Variants in CLSPN observed in about 807,000 individuals in gnomAD.
CLSPN encodes the protein claspin homolog.
A neutral mutation model predicts 156.3 loss-of-function variants in CLSPN; 85 were observed. The ratio of observed to expected loss-of-function variants is 0.54; its 90% CI spans 0.46 to 0.65. The LOEUF (loss-of-function observed/expected upper bound fraction) is 0.65, where lower values mean the gene tolerates loss of function less well. CLSPN is among the 30% of genes least tolerant of loss of function. The pLI is 0.00. For synonymous variants in CLSPN, 534 were observed against 542.4 expected, an observed-to-expected ratio of 0.98 and a Z score of 0.22; for missense variants, 1,407 against 1,554.9, an observed-to-expected ratio of 0.90 and a Z score of 1.60.
chr1:35,751,035 T>C lies in CLSPN; in HGVS notation c.2028+215A>G, dbSNP rs544389953. Among the ~76,000 whole-genome samples the C allele has an allele frequency of 8.6e-5, 13 of 151,620 alleles. No individual in the cohort carries two copies. In the South Asian group the frequency reaches 2.7e-3, roughly 32 times the overall value. ...GGTATTCTGTCAGTACCACTGAATATCTGTATTCAGATATATAATGATGAT... is the reference window on the plus strand; with the variant it reads ...GGTATTCTGTCAGTACCACTGAATACCTGTATTCAGATATATAATGATGAT... On this transcript the variant is annotated intron_variant, in intron 10 of 24. Transcript: ENST00000318121.
At chr1:35,749,294 G>GC (rs1372631102) in intron 12 of CLSPN, among the ~76,000 whole-genome samples, 173 bp downstream of exon 12, 1 of 151,966 alleles carries the variant, frequency 6.6e-6, no homozygotes, top group Non-Finnish European at 1.5e-5. Flanking sequence ...TAAATAAACT[G>GC]CAAAAAATAG....
chr1:35,733,467 T>C lies in CLSPN; in HGVS notation c.*3029A>G, dbSNP rs573590633. 25 of 985,278 alleles carry C rather than the reference T, an allele frequency of 2.5e-5. 1 individual carries two copies. In the South Asian group the frequency reaches 1.1e-3, roughly 43 times the overall value. 61.0% of individuals were successfully genotyped at this position (985,278 alleles called of 1,614,324 possible). Reference sequence around the variant, plus strand: ...GGCTGAATTTTCTTATCCTCAGTTGTCAATTCCAATTGTCTTTTCTATCTC... The same window carrying C: ...GGCTGAATTTTCTTATCCTCAGTTGCCAATTCCAATTGTCTTTTCTATCTC... On this transcript the variant is annotated 3_prime_UTR_variant, in exon 25 of 25. Coordinates refer to ENST00000318121, the MANE Select transcript of CLSPN (RefSeq NM_022111.4).
chr1:35,757,040 T>C (rs1322677371), intron 8 of CLSPN, among the ~76,000 whole-genome samples: 1 of 152,160 alleles, frequency 6.6e-6, no homozygotes, highest in African/African-American at 2.4e-5. Flanking sequence ...GTGCTTTCCA[T>C]TGTCTCTGAC....
chr1:35,721,697 A>G (rs1641078084), intron 24 of CLSPN, among the ~76,000 whole-genome samples: 1 of 151,834 alleles, frequency 6.6e-6, no homozygotes, highest in Admixed American at 6.6e-5. Flanking sequence ...CGATGCTATC[A>G]CCTTCTGACC....
chr1:35,726,000 C>T (rs74064278), intron 24 of CLSPN, among the ~76,000 whole-genome samples: 1 of 151,722 alleles, frequency 6.6e-6, no homozygotes, highest in African/African-American at 2.4e-5. Flanking sequence ...TCCTCTTCCT[C>T]GTAAGGAAGT....
Position 35,760,527 on chromosome 1 carries a change from T to A in CLSPN, c.1394A>T (p.Glu465Val), listed in dbSNP as rs755609534. ...CTCTTCCACTTTCTCATCTGTTTCT[T>A]CTGGATTTTGGGGGCCTTCACCCTC... The part of the protein sequence containing the change: ...ALEGEGPQNP[E>V]ETDEKVEEPE... The change falls in exon 8 of 25, where the codon GAA becomes GTA. Residue 465 changes from glutamate to valine, a missense_variant. Glu to Val is a moderately radical substitution (Grantham distance 121). Around this residue, in one of 3 missense-constraint regions of CLSPN, gnomAD observed 1,096 missense variants for 1,193.0 expected, o/e 0.92. Transcript: ENST00000318121. The A allele has an allele frequency of 6.2e-7, 1 of 1,614,210 alleles. No homozygotes were observed. Among genetic ancestry groups the A allele is most frequent in the Non-Finnish European group, 8.5e-7 (1 of 1,180,042 alleles).
At chr1:35,747,015 A>G in intron 14 of CLSPN, 23 bp from the exon 15 acceptor site, 1 of 1,590,960 alleles carries the variant, frequency 6.3e-7, no homozygotes, top group Non-Finnish European at 8.6e-7. Flanking sequence ...GAGCACAACG[A>G]ATAGTGTAAA....
At chr1:35,744,443 C>T (rs577968659) in intron 16 of CLSPN, among the ~76,000 whole-genome samples, 12 of 152,120 alleles carry the variant, frequency 7.9e-5, no homozygotes, top group Admixed American at 2.0e-4. Flanking sequence ...CTGGTACTGC[C>T]GGCACACGCC....
At chr1:35,769,734 G>T in intron 1 of CLSPN, 113 bp downstream of exon 1, 1 of 1,025,510 alleles carries the variant, frequency 9.8e-7, no homozygotes, top group Non-Finnish European at 1.3e-6. Context: ...AACGCCGGGA[G>T]CCGCAGTCCT....
In CLSPN at chr1:35,735,671, G is replaced by A; in HGVS notation, c.*825C>T. 1 of 950,932 alleles carries A rather than the reference G, an allele frequency of 1.1e-6. No homozygotes were observed. The highest frequency in any genetic ancestry group is 1.3e-6 in the Non-Finnish European group (1 of 799,430). 58.9% of individuals were successfully genotyped at this position (950,932 alleles called of 1,614,324 possible). On this transcript the variant is annotated 3_prime_UTR_variant, in exon 25 of 25. Coordinates refer to ENST00000318121, the MANE Select transcript of CLSPN (RefSeq NM_022111.4). ...TGCCGTGAGCCGAGATTGCGCCACT[G>A]CACTCCAGACTGGGCAACAAAGTGA...
intron 8 of CLSPN, among the ~76,000 whole-genome samples, chr1:35,758,068 C>A (rs1642336204): frequency 1.3e-5 from 2 of 152,140 alleles, no homozygotes; most frequent in South Asian, 4.1e-4. Flanking sequence ...CCAAAGTCAA[C>A]CCATTCAATT....
At chr1:35,756,680 T>C (rs74714029) in intron 8 of CLSPN, among the ~76,000 whole-genome samples, 2,198 of 152,332 alleles carry the variant, frequency 0.014, 44 homozygotes, top group African/African-American at 0.05. Flanking sequence ...GCAGGGATTA[T>C]TCCATATGCT....
chr1:35,757,768 C>T (rs1180672721), intron 8 of CLSPN, among the ~76,000 whole-genome samples: 1 of 152,224 alleles, frequency 6.6e-6, no homozygotes, highest in Non-Finnish European at 1.5e-5. Flanking sequence ...TGGAGCTATG[C>T]TAGTTCTGTT....
At position 35,766,569 on chromosome 1, in the gene CLSPN, C is replaced by T. The variant is rs558153270; in HGVS notation, c.25-1243G>A. On this transcript the variant is annotated intron_variant, in intron 1 of 24. Transcript: ENST00000318121. ...AAGCGATTCTCCTGCCTCAGCCTCC[C>T]GAGTAGCTGGGATTACAGGCATGTG... is the stretch of plus-strand genomic sequence containing the variant. Among the ~76,000 whole-genome samples the T allele has an allele frequency of 1.0e-3, 152 of 151,934 alleles. 1 individual carries two copies. The highest frequency in any genetic ancestry group is 3.4e-3 in the African/African-American group (141 of 41,456).
At chr1:35,723,473 C>T (rs1453030802) in intron 24 of CLSPN, among the ~76,000 whole-genome samples, 2 of 152,144 alleles carry the variant, frequency 1.3e-5, no homozygotes, top group Non-Finnish European at 2.9e-5. Context: ...TAGGACAGGC[C>T]TAAGGGTTAT....
At chr1:35,745,721 C>G (rs1205606627) in intron 15 of CLSPN, among the ~76,000 whole-genome samples, 159 bp from the exon 16 acceptor site, 1 of 152,212 alleles carries the variant, frequency 6.6e-6, no homozygotes, top group African/African-American at 2.4e-5. Context: ...TTAGTGCTTA[C>G]TATGTGCCAT....
intron 22 of CLSPN, chr1:35,737,775 A>G: frequency 2.2e-6 from 1 of 447,596 alleles, no homozygotes; most frequent in Non-Finnish European, 4.0e-6. Flanking sequence ...AACATAAAGT[A>G]AAACCAGCCA....
At chr1:35,756,280 A>G (rs1319319758) in intron 8 of CLSPN, among the ~76,000 whole-genome samples, 1 of 152,170 alleles carries the variant, frequency 6.6e-6, no homozygotes, top group African/African-American at 2.4e-5. Flanking sequence ...AGGGAACAGA[A>G]ATAGGCAGGT....
intron 8 of CLSPN, among the ~76,000 whole-genome samples, chr1:35,758,870 G>A (rs909054219): frequency 4.0e-5 from 6 of 149,148 alleles, no homozygotes; most frequent in Non-Finnish European, 7.4e-5. Context: ...GGGTTCAAGT[G>A]ACCCTCTTGT....
Sources: allele counts gnomAD v4.1 joint callset (sites outside exome capture counted in the v4.1 genomes callset), GRCh38; gene constraint gnomAD v4.1.1; regional missense constraint gnomAD v4.1.1; transcripts MANE v1.5; gene names NCBI Gene and HGNC (gene_info 2026-07-23, HGNC 2026-07-21).